The following KCNK2 variants were observed in gnomAD, a reference collection of about 807,000 sequenced individuals.
KCNK2 encodes the protein potassium channel subfamily K member 2.
In KCNK2, 21 loss-of-function variants were observed where a neutral mutation model predicts 40.5. The observed-to-expected ratio is 0.52, with a 90% CI of 0.37 to 0.75. KCNK2 has a LOEUF of 0.75. KCNK2 is among the 30% of genes least tolerant of loss of function. The pLI is 0.00. For missense variants in KCNK2, 399 were observed against 531.6 expected, an observed-to-expected ratio of 0.75 and a Z score of 2.45; for synonymous variants, 191 against 202.2, an observed-to-expected ratio of 0.94 and a Z score of 0.47.
chr1:215,225,472 G>T (rs1558147988), intron 6 of KCNK2, among the ~76,000 whole-genome samples: 1 of 152,186 alleles, frequency 6.6e-6, no homozygotes, highest in Non-Finnish European at 1.5e-5. Context: ...AGGATATGAA[G>T]ATTTTAGTCT....
At chr1:215,046,556 A>G (rs919687370) in intron 1 of KCNK2, among the ~76,000 whole-genome samples, 1 of 151,876 alleles carries the variant, frequency 6.6e-6, no homozygotes, top group Admixed American at 6.6e-5. Context: ...CACAGTTAGG[A>G]GAAGGCTGTT....
chr1:215,176,797 A>G (rs1663998119), intron 5 of KCNK2, among the ~76,000 whole-genome samples: 1 of 152,188 alleles, frequency 6.6e-6, no homozygotes, highest in South Asian at 2.1e-4. Context: ...TGCAATGAAC[A>G]TATGTGTGCA....
intron 1 of KCNK2, among the ~76,000 whole-genome samples, chr1:215,085,625 A>T (rs1034478309): frequency 2.6e-5 from 4 of 152,198 alleles, no homozygotes; most frequent in African/African-American, 4.8e-5. Context: ...AAAGGAAGTT[A>T]CTTGTCTTCT....
intron 1 of KCNK2, among the ~76,000 whole-genome samples, chr1:215,085,106 CA>C (rs1448835009): frequency 6.6e-5 from 10 of 152,296 alleles, no homozygotes; most frequent in African/African-American, 2.4e-4. Flanking sequence ...GAAGTAATTT[CA>C]GATGCCTGTA....
chr1:215,097,615 T>C (rs557352218), intron 2 of KCNK2, among the ~76,000 whole-genome samples: 16 of 152,144 alleles, frequency 1.1e-4, no homozygotes, highest in Middle Eastern at 3.4e-3. Context: ...TTTTCTCTAA[T>C]GGTTAGTAGC....
chr1:215,034,145 AC>A (rs762344422), intron 1 of KCNK2, among the ~76,000 whole-genome samples: 43 of 152,140 alleles, frequency 2.8e-4, no homozygotes, highest in Non-Finnish European at 5.1e-4. Context: ...AGAGTTGTTG[AC>A]TTTTTTAGTT....
chr1:215,192,867 C>T (rs1664722966), intron 5 of KCNK2, among the ~76,000 whole-genome samples: 1 of 151,662 alleles, frequency 6.6e-6, no homozygotes, highest in African/African-American at 2.4e-5. Flanking sequence ...TATTTTTGTC[C>T]CAAAAGAAAG....
At chr1:215,045,139 G>C (rs1211530734) in intron 1 of KCNK2, among the ~76,000 whole-genome samples, 1 of 151,686 alleles carries the variant, frequency 6.6e-6, no homozygotes, top group African/African-American at 2.4e-5. Flanking sequence ...AGCCGAGATC[G>C]TGCCACTGAA....
chr1:215,075,261 T>C (rs966384848), intron 1 of KCNK2, among the ~76,000 whole-genome samples: 34 of 152,356 alleles, frequency 2.2e-4, no homozygotes, highest in African/African-American at 8.2e-4. Context: ...GCAAAGCTGT[T>C]AAAAAGATAT....
Position 215,202,641 on chromosome 1 carries a change from A to C in KCNK2, c.963+7549A>C, listed in dbSNP as rs1316632017. Among the ~76,000 whole-genome samples, 4 of 152,324 alleles carry C rather than the reference A, an allele frequency of 2.6e-5. No individual in the cohort carries two copies. In the East Asian group the frequency reaches 7.7e-4, roughly 29 times the overall value. On this transcript the variant is annotated intron_variant, in intron 6 of 6. Coordinates refer to ENST00000444842, the MANE Select transcript of KCNK2 (RefSeq NM_001017425.3). ...GCCTTAATAAGTCAAAATGTATACT[A>C]AAAATGAAATAGGACTTGAAGACGT...
At chr1:215,133,358 C>T (rs1571649586) in intron 3 of KCNK2, among the ~76,000 whole-genome samples, 2 of 152,074 alleles carry the variant, frequency 1.3e-5, no homozygotes, top group South Asian at 2.1e-4. Context: ...AATACAGAAC[C>T]TATTTTTTCT....
chr1:215,051,068 G>A (rs999824493), intron 1 of KCNK2, among the ~76,000 whole-genome samples: 1 of 152,110 alleles, frequency 6.6e-6, no homozygotes, highest in African/African-American at 2.4e-5. Context: ...CCTTTTGAAA[G>A]CTTATTTATT....
intron 1 of KCNK2, among the ~76,000 whole-genome samples, chr1:215,020,850 A>T (rs886085099): frequency 4.6e-5 from 7 of 152,192 alleles, no homozygotes; most frequent in Admixed American, 2.0e-4. Flanking sequence ...ATACTGTCAG[A>T]TGCATTATTG....
chr1:215,078,048 C>A (rs574291853), upstream of KCNK2, among the ~76,000 whole-genome samples: 30 of 152,254 alleles, frequency 2.0e-4, 1 homozygote, highest in East Asian at 4.6e-3. Context: ...TTCCTTGGGC[C>A]ACATTGGAAG....
rs1375212863 is a variant in KCNK2, at chr1:215,236,088, CT to C, written c.*944del. ...TCTATCTATCTATCTATCTATCTAT[CT>C]ATCTATCTAAATGACCTGACAGAAG... On this transcript the variant is annotated 3_prime_UTR_variant, in exon 7 of 7. Transcript: ENST00000444842. 6.6e-6 allele frequency: 1 copy of C among 151,668 alleles called. No homozygotes were observed. Among genetic ancestry groups the C allele is most frequent in the African/African-American group, 2.4e-5 (1 of 40,838 alleles). The allele number at this position is 151,668 out of a possible 1,614,324, so 9.4% of individuals were successfully genotyped here.
chr1:215,041,359 A>G (rs889154536), intron 1 of KCNK2, among the ~76,000 whole-genome samples: 1 of 152,190 alleles, frequency 6.6e-6, no homozygotes, highest in African/African-American at 2.4e-5. Context: ...TGCCTGGTAC[A>G]TAGTATGTGC....
chr1:215,048,757 C>G (rs1657875856), intron 1 of KCNK2, among the ~76,000 whole-genome samples: 1 of 152,202 alleles, frequency 6.6e-6, no homozygotes, highest in African/African-American at 2.4e-5. Flanking sequence ...GCATAAAGCT[C>G]TGTTCCCTGC....
intron 1 of KCNK2, among the ~76,000 whole-genome samples, chr1:215,072,109 C>A (rs1658774835): frequency 6.6e-6 from 1 of 152,182 alleles, no homozygotes; most frequent in Non-Finnish European, 1.5e-5. Flanking sequence ...TGCATGACTG[C>A]TGTTGAAGTG....
intron 5 of KCNK2, among the ~76,000 whole-genome samples, chr1:215,192,089 A>G (rs1253739246): frequency 3.3e-5 from 5 of 152,220 alleles, no homozygotes; most frequent in African/African-American, 1.2e-4. Context: ...ATTTATTCCT[A>G]ATTTAAAAAT....
Sources: allele counts gnomAD v4.1 joint callset (sites outside exome capture counted in the v4.1 genomes callset), GRCh38; gene constraint gnomAD v4.1.1; transcripts MANE v1.5; gene names NCBI Gene and HGNC (gene_info 2026-07-23, HGNC 2026-07-21).